SNTG1: variants seen among roughly 807,000 people sequenced by gnomAD.
SNTG1 encodes syntrophin gamma 1.
In SNTG1, 39 loss-of-function variants were observed where a neutral mutation model predicts 74.7. That is an observed-to-expected ratio of 0.52 (90% CI 0.40 to 0.68). The LOEUF (loss-of-function observed/expected upper bound fraction) is 0.68. Among genes scored for constraint, SNTG1 ranks in the 30% least tolerant of loss-of-function variants. The probability of loss-of-function intolerance (pLI) is 0.00; values close to 1 mark genes in which losing one functional copy is unlikely to be tolerated. For missense variants in SNTG1, 685 were observed against 609.5 expected, an observed-to-expected ratio of 1.12 and a Z score of -1.30; for synonymous variants, 254 against 217.1, an observed-to-expected ratio of 1.17 and a Z score of -1.49.
intron 2 of SNTG1, among the ~76,000 whole-genome samples, chr8:50,176,111 T>C (rs7825053): frequency 0.3 from 44,851 of 151,984 alleles, 6,720 homozygotes; most frequent in South Asian, 0.43. Context: ...CTTAACATTT[T>C]AATACATAGT....
chr8:50,432,055 A>G (rs530846251), intron 4 of SNTG1, among the ~76,000 whole-genome samples: 4 of 152,170 alleles, frequency 2.6e-5, no homozygotes, highest in Non-Finnish European at 5.9e-5. Flanking sequence ...CAACATTTTT[A>G]TAAATCATAC....
At chr8:50,269,630 T>A (rs2087670640) in intron 2 of SNTG1, among the ~76,000 whole-genome samples, 3 of 152,174 alleles carry the variant, frequency 2.0e-5, no homozygotes, top group African/African-American at 7.2e-5. Flanking sequence ...CTCACATTGG[T>A]ACATACAACC....
Position 49,999,948 on chromosome 8 carries a change from G to A in SNTG1, c.-103+87717G>A, listed in dbSNP as rs146901657. Reference sequence around the variant, plus strand: ...TTTCCTGTTGTATTCCCAGGGCCTCGATCAGTTCCTGGCTTAATACATATT... The same window carrying A: ...TTTCCTGTTGTATTCCCAGGGCCTCAATCAGTTCCTGGCTTAATACATATT... On this transcript the variant is annotated intron_variant, in intron 1 of 18. Coordinates refer to ENST00000642720, the MANE Select transcript of SNTG1 (RefSeq NM_018967.5). Among the ~76,000 whole-genome samples, 8 of 152,188 alleles carry A rather than the reference G, an allele frequency of 5.3e-5. No homozygotes were observed. The East Asian group carries it at 1.4e-3, about 26-fold the overall frequency.
In SNTG1 at chr8:50,211,257, G is replaced by T. The variant is rs765122809; in HGVS notation, c.-28+38622G>T. Among the ~76,000 whole-genome samples, 8 of 152,028 alleles carry T rather than the reference G, an allele frequency of 5.3e-5. No individual in the cohort carries two copies. In the East Asian group the frequency reaches 5.8e-4, roughly 11 times the overall value. On this transcript the variant is annotated intron_variant, in intron 2 of 18. Coordinates refer to ENST00000642720, the MANE Select transcript of SNTG1 (RefSeq NM_018967.5). ...AGTACTATCAAGAGTATATTAAAAG[G>T]TCTGCTTAACTTAATGAAAATTATT...
At chr8:50,329,601 C>T (rs547141242) in intron 2 of SNTG1, among the ~76,000 whole-genome samples, 47 of 152,168 alleles carry the variant, frequency 3.1e-4, no homozygotes, top group African/African-American at 1.0e-3. Context: ...ATGCAGGGCA[C>T]GAGATCCCAA....
At chr8:49,952,185 A>G (rs1809781525) in intron 1 of SNTG1, among the ~76,000 whole-genome samples, 1 of 152,332 alleles carries the variant, frequency 6.6e-6, no homozygotes, top group South Asian at 2.1e-4. Flanking sequence ...CATGTGCTAT[A>G]TACTGTATCA....
intron 2 of SNTG1, among the ~76,000 whole-genome samples, chr8:50,272,089 G>A: frequency 6.6e-6 from 1 of 152,138 alleles, no homozygotes; most frequent in Non-Finnish European, 1.5e-5. Flanking sequence ...AGTACTGTGA[G>A]AAATAAATTT....
chr8:50,319,528 C>T (rs2090448262), intron 2 of SNTG1, among the ~76,000 whole-genome samples: 1 of 152,146 alleles, frequency 6.6e-6, no homozygotes, highest in Non-Finnish European at 1.5e-5. Flanking sequence ...GATAATTAGA[C>T]ATCTTCCTTT....
chr8:50,694,620 A>T (rs898217817), intron 15 of SNTG1, among the ~76,000 whole-genome samples: 2 of 152,122 alleles, frequency 1.3e-5, no homozygotes, highest in Non-Finnish European at 2.9e-5. Flanking sequence ...AGGCAAAGAC[A>T]TCATAAGAAA....
chr8:50,668,614 T>G (rs1367723426), intron 15 of SNTG1, among the ~76,000 whole-genome samples: 1 of 151,746 alleles, frequency 6.6e-6, no homozygotes, highest in African/African-American at 2.4e-5. Context: ...GGTGATTTCC[T>G]GCACCTATCG....
rs562442675 is a variant in SNTG1, at chr8:49,998,259, AAGTG to A, written c.-103+86041_-103+86044del. On this transcript the variant is annotated intron_variant, in intron 1 of 18. Transcript: ENST00000642720. ...TGCAGGACTTGCCGTGGCTCTGGAT[AAGTG>A]AGTGAGTGAGTGGTGACTGAATGTG... 1.7e-4 allele frequency among the ~76,000 whole-genome samples: 26 copies of A among 152,276 alleles called. No individual in the cohort carries two copies. In the South Asian group the frequency reaches 4.1e-3, roughly 24 times the overall value.
At chr8:50,712,112 T>G (rs2095463193) in intron 17 of SNTG1, among the ~76,000 whole-genome samples, 1 of 152,236 alleles carries the variant, frequency 6.6e-6, no homozygotes, top group African/African-American at 2.4e-5. Flanking sequence ...AAATCTTCAC[T>G]GAATGCCTGC....
intron 1 of SNTG1, among the ~76,000 whole-genome samples, chr8:50,038,289 ACTGCAGAATG>A: frequency 6.6e-6 from 1 of 152,240 alleles, no homozygotes; most frequent in South Asian, 2.1e-4. Flanking sequence ...GTAGATGTGT[ACTGCAGAATG>A]GGCTCCTCCA....
At chr8:50,229,625 A>T (rs1339746547) in intron 2 of SNTG1, among the ~76,000 whole-genome samples, 2 of 150,306 alleles carry the variant, frequency 1.3e-5, no homozygotes, top group Non-Finnish European at 3.0e-5. Flanking sequence ...AAAATATGCA[A>T]ATGTAAGAGT....
At chr8:50,753,393 G>A (rs1031416462) in intron 18 of SNTG1, among the ~76,000 whole-genome samples, 1 of 151,928 alleles carries the variant, frequency 6.6e-6, no homozygotes, top group Non-Finnish European at 1.5e-5. Context: ...TAATACTGGT[G>A]AAAGATGTTA....
At chr8:50,297,877 T>C (rs1224207236) in intron 2 of SNTG1, among the ~76,000 whole-genome samples, 1 of 147,878 alleles carries the variant, frequency 6.8e-6, no homozygotes, top group Non-Finnish European at 1.5e-5. Context: ...TTGAAATATG[T>C]GGCTTTTTTT....
At chr8:50,022,005 T>G (rs1377678698) in intron 1 of SNTG1, among the ~76,000 whole-genome samples, 1 of 151,114 alleles carries the variant, frequency 6.6e-6, no homozygotes, top group East Asian at 1.9e-4. Context: ...GAAAAATGCA[T>G]AGTTATTTCT....
At chr8:50,664,581 G>A (rs1404120906) in intron 15 of SNTG1, among the ~76,000 whole-genome samples, 2 of 152,114 alleles carry the variant, frequency 1.3e-5, no homozygotes, top group African/African-American at 4.8e-5. Context: ...GGAAAAAGAA[G>A]TAGACCCCCT....
chr8:49,943,398 C>T (rs1371150538), intron 1 of SNTG1, among the ~76,000 whole-genome samples: 1 of 152,200 alleles, frequency 6.6e-6, no homozygotes, highest in African/African-American at 2.4e-5. Context: ...GCACTAAGTA[C>T]AAGTGCTAAT....
Sources: gnomAD v4.1 joint callset for allele counts (sites outside exome capture counted in the v4.1 genomes callset) on GRCh38, gnomAD v4.1.1 for gene constraint, MANE v1.5 for transcripts, NCBI Gene and HGNC (gene_info 2026-07-23, HGNC 2026-07-21) for gene names.